Variants in TNC observed in about 807,000 individuals in gnomAD.
The protein encoded by TNC is tenascin C.
In TNC, 109 loss-of-function variants were observed where a neutral mutation model predicts 202.4. That is an observed-to-expected ratio of 0.54 (90% CI 0.46 to 0.63). The LOEUF (loss-of-function observed/expected upper bound fraction) is 0.63. Ranked by LOEUF, TNC falls within the 30% of genes least tolerant of loss-of-function variation. The pLI, the probability that TNC is intolerant of heterozygous loss-of-function variation, is 0.00. For synonymous variants in TNC, 1,007 were observed against 1,089.7 expected (o/e 0.92, Z 1.50); for missense variants, 2,756 against 2,833.3 (o/e 0.97, Z 0.62).
chr9:115,022,383 G>A (rs1187466492), intron 27 of TNC, among the ~76,000 whole-genome samples: 1 of 152,204 alleles, frequency 6.6e-6, no homozygotes, highest in East Asian at 1.9e-4. Flanking sequence ...TGGAAGCCAC[G>A]CCTTCTTGTA....
At chr9:115,110,905 A>C (rs1267697517) in intron 1 of TNC, among the ~76,000 whole-genome samples, 2 of 144,782 alleles carry the variant, frequency 1.4e-5, no homozygotes. Context: ...TTTGAGACAG[A>C]GTCTCACTGT....
intron 18 of TNC, among the ~76,000 whole-genome samples, chr9:115,041,325 G>A: frequency 7.0e-6 from 1 of 142,892 alleles, no homozygotes; most frequent in African/African-American, 2.6e-5. Flanking sequence ...AAAACATGAA[G>A]TCACAACGTA....
chr9:115,109,980 C>T (rs1836914590), intron 1 of TNC, among the ~76,000 whole-genome samples: 1 of 152,062 alleles, frequency 6.6e-6, no homozygotes. Flanking sequence ...AAACCAGATA[C>T]AATTTTTTCT....
chr9:115,035,156 T>C, intron 22 of TNC, 48 bp downstream of exon 22: 3 of 1,537,410 alleles, frequency 2.0e-6, no homozygotes, highest in Non-Finnish European at 2.6e-6. Context: ...TTGAAGATCA[T>C]GCAAATGCTT....
In TNC at chr9:115,087,054, T is replaced by C. The variant is rs750547810; in HGVS notation, c.677A>G (p.Asn226Ser). 3 of 1,613,246 alleles carry C rather than the reference T, an allele frequency of 1.9e-6. No individual in the cohort carries two copies. Among genetic ancestry groups the C allele is most frequent in the Non-Finnish European group, 2.5e-6 (3 of 1,179,482 alleles). The change falls in exon 3 of 28, where the codon AAT becomes AGT. Residue 226 changes from asparagine (N) to serine (S), a missense_variant. This residue lies in a region of TNC where 2,559 missense variants were observed against 2,546.0 expected (regional missense o/e 1.01). Transcript: ENST00000350763. ...CSQLACPSDC[N>S]DQGKCVNGVC... ...TCCATTTACGCACTTGCCCTGGTCA[T>C]TGCAGTCGCTGGGGCAAGCCAGCTG...
intron 1 of TNC, among the ~76,000 whole-genome samples, chr9:115,108,014 G>A (rs1395772854): frequency 3.3e-5 from 5 of 152,166 alleles, no homozygotes; most frequent in South Asian, 2.1e-4. Context: ...GCGAGTTTCC[G>A]TTGGCATCAA....
rs1828959949 is a variant in TNC, at chr9:115,020,038, T to G, written c.*1119A>C. The G allele has an allele frequency of 6.6e-6, 1 of 152,018 alleles. No homozygotes were observed. Among genetic ancestry groups the G allele is most frequent in the African/African-American group, 2.4e-5 (1 of 41,372 alleles). The allele number at this position is 152,018 out of a possible 1,614,324, so 9.4% of individuals were successfully genotyped here. A position where few individuals can be genotyped will look rare whatever the true frequency, so the allele number is the denominator to read the frequency against. Reference sequence around the variant, plus strand: ...TGAATCTCAAGTTGTAAGCTTTTTTTTTCTTTTCTTTTTTTATTTAGAGAC... The same window carrying G: ...TGAATCTCAAGTTGTAAGCTTTTTTGTTCTTTTCTTTTTTTATTTAGAGAC... On this transcript the variant is annotated 3_prime_UTR_variant, in exon 28 of 28. Coordinates refer to ENST00000350763, the MANE Select transcript of TNC (RefSeq NM_002160.4).
At chr9:115,073,545 G>A (rs1315298382) in intron 10 of TNC, 58 bp downstream of exon 10, 43 of 1,568,952 alleles carry the variant, frequency 2.7e-5, no homozygotes, top group Non-Finnish European at 3.6e-5. Flanking sequence ...CCTGGCTGAG[G>A]AGATCTGCTA....
chr9:115,078,422 T>C lies in TNC; in HGVS notation c.2405-210A>G, dbSNP rs76468039. ...ACCTCTAGTGTTTTTTGTTTTTGTTTTTTTCAAATCTTAAGAGAGATAAAG... is the reference window on the plus strand; with the variant it reads ...ACCTCTAGTGTTTTTTGTTTTTGTTCTTTTCAAATCTTAAGAGAGATAAAG... On this transcript the variant is annotated intron_variant, in intron 6 of 27. Coordinates refer to ENST00000350763, the MANE Select transcript of TNC (RefSeq NM_002160.4). 0.033 allele frequency among the ~76,000 whole-genome samples: 4,990 copies of C among 152,144 alleles called. 271 individuals are homozygous for C. Among genetic ancestry groups the C allele is most frequent in the African/African-American group, 0.11 (4,756 of 41,464 alleles).
At chr9:115,084,163 G>C (rs1265181812) in intron 4 of TNC, 46 bp downstream of exon 4, 17 of 1,592,458 alleles carry the variant, frequency 1.1e-5, no homozygotes, top group Non-Finnish European at 1.5e-5. Context: ...TACACTGGGT[G>C]GGCTGACATC....
chr9:115,116,489 G>T (rs1837478064), intron 1 of TNC, among the ~76,000 whole-genome samples: 1 of 152,164 alleles, frequency 6.6e-6, no homozygotes, highest in South Asian at 2.1e-4. Context: ...CCTGAATTGG[G>T]CTTGCCTGGC....
intron 25 of TNC, among the ~76,000 whole-genome samples, chr9:115,027,010 G>C (rs1340770048): frequency 6.6e-6 from 1 of 152,004 alleles, no homozygotes; most frequent in Non-Finnish European, 1.5e-5. Flanking sequence ...TTGGGAGGCT[G>C]AGGCAGGAGA....
Position 115,020,142 on chromosome 9 carries a change from G to C in TNC, c.*1015C>G, listed in dbSNP as rs1393574328. ...TGTAACCTCTAACTCCTGGGCTCCAGTGATTTTCCTACCTCAGCCTCCTGA... is the reference window on the plus strand; with the variant it reads ...TGTAACCTCTAACTCCTGGGCTCCACTGATTTTCCTACCTCAGCCTCCTGA... On this transcript the variant is annotated 3_prime_UTR_variant, in exon 28 of 28. Transcript: ENST00000350763. 1 of 152,076 alleles carries C rather than the reference G, an allele frequency of 6.6e-6. No homozygotes were observed. Among genetic ancestry groups the C allele is most frequent in the South Asian group, 2.1e-4 (1 of 4,826 alleles). 9.4% of individuals were successfully genotyped at this position (152,076 alleles called of 1,614,324 possible). A position where few individuals can be genotyped will look rare whatever the true frequency, so the allele number is the denominator to read the frequency against.
At chr9:115,106,600 C>G (rs1008794833) in intron 1 of TNC, among the ~76,000 whole-genome samples, 1 of 152,118 alleles carries the variant, frequency 6.6e-6, no homozygotes, top group Non-Finnish European at 1.5e-5. Flanking sequence ...ATCTTTAAAG[C>G]CCCTGGAGAA....
chr9:115,054,439 C>T (rs753462900), intron 15 of TNC, among the ~76,000 whole-genome samples: 2 of 152,160 alleles, frequency 1.3e-5, no homozygotes, highest in Non-Finnish European at 2.9e-5. Flanking sequence ...CCAAGTGGAA[C>T]TCTGTTATTT....
In TNC at chr9:115,082,662, C is replaced by A. The variant is rs1300078085; in HGVS notation, c.2247+30G>T. On this transcript the variant is annotated intron_variant, in intron 5 of 27. Transcript: ENST00000350763. ...TGGTCATCTTTCAAATCCTTGAGATCAAATGGATCTGCTCTTTTGTACTCC... is the reference window on the plus strand; with the variant it reads ...TGGTCATCTTTCAAATCCTTGAGATAAAATGGATCTGCTCTTTTGTACTCC... 2.7e-6 allele frequency: 4 copies of A among 1,497,390 alleles called. No individual in the cohort carries two copies. In the Admixed American group the frequency reaches 5.0e-5, roughly 19 times the overall value. The allele number at this position is 1,497,390 out of a possible 1,614,324, so 92.8% of individuals were successfully genotyped here. A position where few individuals can be genotyped will look rare whatever the true frequency, so the allele number is the denominator to read the frequency against.
intron 22 of TNC, 125 bp downstream of exon 22, chr9:115,035,079 A>ATT: frequency 1.0e-6 from 1 of 993,842 alleles, no homozygotes; most frequent in South Asian, 1.7e-5. Flanking sequence ...AGTCTCTACT[A>ATT]ATTTTTTTTT....
chr9:115,097,251 A>C (rs1051151842), intron 1 of TNC, among the ~76,000 whole-genome samples: 15 of 152,272 alleles, frequency 9.9e-5, no homozygotes, highest in African/African-American at 2.4e-4. Flanking sequence ...CTCTCCCTGG[A>C]GATACATATG....
At chr9:115,067,665 G>A (rs1230955997) in intron 10 of TNC, among the ~76,000 whole-genome samples, 4 of 151,944 alleles carry the variant, frequency 2.6e-5, no homozygotes, top group Non-Finnish European at 5.9e-5. Context: ...TCTTTGAATC[G>A]GATATTTAGT....
Sources: gnomAD v4.1 joint callset for allele counts (sites outside exome capture counted in the v4.1 genomes callset) on GRCh38, gnomAD v4.1.1 for gene constraint, gnomAD v4.1.1 regional missense constraint, MANE v1.5 for transcripts, NCBI Gene and HGNC (gene_info 2026-07-23, HGNC 2026-07-21) for gene names.